Variants in TRMT11 observed in about 807,000 individuals in gnomAD.
The protein encoded by TRMT11 is tRNA (guanine(10)-N(2))-methyltransferase TRMT11.
TRMT11 carries 53 observed loss-of-function variants against 62.8 expected under a neutral mutation model. The observed-to-expected ratio is 0.84, with a 90% CI of 0.68 to 1.06. The LOEUF (loss-of-function observed/expected upper bound fraction) is 1.06. Among genes scored for constraint, TRMT11 ranks in the 50% least tolerant of loss-of-function variants. The pLI is 0.00. For missense variants in TRMT11, 556 were observed against 553.4 expected, an observed-to-expected ratio of 1.00 and a Z score of -0.05; for synonymous variants, 188 against 190.3, an observed-to-expected ratio of 0.99 and a Z score of 0.10.
At chr6:126,209,552 C>G in the TRMT11 span, among the ~76,000 whole-genome samples, 1,632 of 148,602 alleles carry the variant, frequency 0.011, 11 homozygotes, top group Non-Finnish European at 0.015. Flanking sequence ...AACCCCGTCT[C>G]TACTAAAAAT....
chr6:126,044,354 C>T (rs1775983317), intron 16 of TRMT11, among the ~76,000 whole-genome samples: 1 of 152,166 alleles, frequency 6.6e-6, no homozygotes, highest in Non-Finnish European at 1.5e-5. Flanking sequence ...TGTCAAAGAT[C>T]AGATAGCTGT....
At chr6:126,093,631 A>ATTTTTTTTTTTTTTTTTTTTTTTTT (rs145963759) in intron 17 of TRMT11, among the ~76,000 whole-genome samples, 1 of 98,016 alleles carries the variant, frequency 1.0e-5, no homozygotes, top group African/African-American at 4.4e-5. Context: ...ATATATATAT[A>ATTTTTTTTTTTTTTTTTTTTTTTTT]TTTTCCCCCA....
At chr6:126,167,656 G>T (rs1367387438) in intron 21 of TRMT11, among the ~76,000 whole-genome samples, 1 of 152,174 alleles carries the variant, frequency 6.6e-6, no homozygotes, top group African/African-American at 2.4e-5. Context: ...TGAATTTTGA[G>T]GAGAAGGCAA....
intron 17 of TRMT11, among the ~76,000 whole-genome samples, chr6:126,100,444 G>A (rs1234430501): frequency 6.6e-6 from 1 of 151,750 alleles, no homozygotes; most frequent in East Asian, 1.9e-4. Flanking sequence ...TTTATTCTTA[G>A]CTCGTTATTG....
chr6:126,260,515 A>G, the TRMT11 span, among the ~76,000 whole-genome samples: 6 of 152,280 alleles, frequency 3.9e-5, no homozygotes, highest in Middle Eastern at 3.4e-3. Flanking sequence ...ACTGGTTGCT[A>G]CTGGTGAGCT....
the TRMT11 span, among the ~76,000 whole-genome samples, chr6:126,254,046 C>T: frequency 6.6e-6 from 1 of 152,204 alleles, no homozygotes; most frequent in African/African-American, 2.4e-5. Context: ...TTTCACACTT[C>T]GTCTCTGACA....
At chr6:126,005,176 A>G (rs968341533) in intron 7 of TRMT11, among the ~76,000 whole-genome samples, 2 of 152,088 alleles carry the variant, frequency 1.3e-5, no homozygotes, top group Admixed American at 6.6e-5. Flanking sequence ...AATGGCATAT[A>G]TAACACTCTT....
chr6:126,118,141 T>A (rs1428484666), intron 21 of TRMT11, among the ~76,000 whole-genome samples: 2 of 152,088 alleles, frequency 1.3e-5, no homozygotes, highest in African/African-American at 4.8e-5. Context: ...TTCATCCCAA[T>A]TAAAAATAGA....
chr6:126,076,103 G>A (rs922017725), intron 17 of TRMT11, among the ~76,000 whole-genome samples: 2 of 145,634 alleles, frequency 1.4e-5, no homozygotes, highest in African/African-American at 2.5e-5. Context: ...AGGTTAGTAG[G>A]TTGTGGGGGG....
the TRMT11 span, among the ~76,000 whole-genome samples, chr6:126,254,712 TCAAA>T: frequency 1.3e-5 from 2 of 152,244 alleles, no homozygotes; most frequent in African/African-American, 4.8e-5. Flanking sequence ...CTGGCTTTTA[TCAAA>T]TTATTAAGAA....
chr6:126,188,899 A>G (rs1209076961), intron 1 of TRMT11, among the ~76,000 whole-genome samples: 1 of 152,180 alleles, frequency 6.6e-6, no homozygotes, highest in Non-Finnish European at 1.5e-5. Flanking sequence ...TTAAATACAT[A>G]TAGCTATTAT....
intron 7 of TRMT11, among the ~76,000 whole-genome samples, chr6:126,008,076 T>G (rs1250343501): frequency 6.6e-6 from 1 of 151,976 alleles, no homozygotes; most frequent in East Asian, 1.9e-4. Flanking sequence ...AGGAGCAAAA[T>G]GTTTTTGTGT....
At chr6:126,151,825 T>TA (rs71024743) in intron 21 of TRMT11, among the ~76,000 whole-genome samples, 1,164 of 88,790 alleles carry the variant, frequency 0.013, 65 homozygotes, top group African/African-American at 0.053. Flanking sequence ...TTTCTTTCTT[T>TA]CTTTCTTTCT....
chr6:126,257,796 G>A, the TRMT11 span: 5 of 652,896 alleles, frequency 7.7e-6, no homozygotes, highest in East Asian at 8.6e-5. Context: ...GAAAACGAAG[G>A]GGGCAGGGGA....
intron 17 of TRMT11, among the ~76,000 whole-genome samples, chr6:126,078,273 A>G (rs1029786687): frequency 6.6e-6 from 1 of 152,214 alleles, no homozygotes; most frequent in African/African-American, 2.4e-5. Flanking sequence ...AGCCATATGT[A>G]AATCATTCCC....
chr6:126,171,983 G>C (rs1452983711), intron 21 of TRMT11, among the ~76,000 whole-genome samples: 1 of 151,958 alleles, frequency 6.6e-6, no homozygotes, highest in African/African-American at 2.4e-5. Flanking sequence ...CCTCCCAAAC[G>C]GCTGGGATTA....
the TRMT11 span, among the ~76,000 whole-genome samples, chr6:126,235,548 A>G: frequency 2.0e-5 from 3 of 152,368 alleles, no homozygotes; most frequent in African/African-American, 7.2e-5. Context: ...TGTCCTTTGC[A>G]GGGACATGGA....
intron 21 of TRMT11, among the ~76,000 whole-genome samples, chr6:126,124,796 C>T (rs1281037275): frequency 6.6e-6 from 1 of 152,102 alleles, no homozygotes; most frequent in South Asian, 2.1e-4. Context: ...CTTCAGCTAA[C>T]ACCATATTCC....
chr6:126,011,749 T>G (rs895760108), intron 9 of TRMT11, among the ~76,000 whole-genome samples: 6 of 152,324 alleles, frequency 3.9e-5, no homozygotes, highest in East Asian at 1.9e-4. Flanking sequence ...TAATTGGTTA[T>G]TATACCAACT....
Sources: gnomAD v4.1 joint callset for allele counts (sites outside exome capture counted in the v4.1 genomes callset) on GRCh38, gnomAD v4.1.1 for gene constraint, MANE v1.5 for transcripts, NCBI Gene and HGNC (gene_info 2026-07-23, HGNC 2026-07-21) for gene names.